Variants in GPM6A observed in about 807,000 individuals in gnomAD.
GPM6A encodes the protein glycoprotein M6A.
A neutral mutation model predicts 32.1 loss-of-function variants in GPM6A; 7 were observed. The ratio of observed to expected loss-of-function variants is 0.22; its 90% CI spans 0.12 to 0.41. The LOEUF (loss-of-function observed/expected upper bound fraction) is 0.41. GPM6A is among the 10% of genes least tolerant of loss of function. The pLI is 1.00. For missense variants in GPM6A, 235 were observed against 347.2 expected, an observed-to-expected ratio of 0.68 and a Z score of 2.57; for synonymous variants, 130 against 123.4, an observed-to-expected ratio of 1.05 and a Z score of -0.35.
At chr4:175,812,012 A>G (rs910473140) in intron 1 of GPM6A, 179 bp downstream of exon 1, 12 of 541,984 alleles carry the variant, frequency 2.2e-5, no homozygotes, top group Non-Finnish European at 3.6e-5. Context: ...AAGATTTGCA[A>G]ATAATGACAA....
rs754038999 is a variant in GPM6A, at chr4:175,640,126, T to C, written c.684+3A>G. On this transcript the variant is annotated splice_donor_region_variant and intron_variant, in intron 6 of 6. Coordinates refer to ENST00000393658, the MANE Select transcript of GPM6A (RefSeq NM_201591.3). ...ACCAAGCACCAGCGCTTTGAGGTCT[T>C]ACCATAGCAATGACTGCTGCCCCAG... 2 of 1,610,864 alleles carry C rather than the reference T, an allele frequency of 1.2e-6. No individual in the cohort carries two copies. Among genetic ancestry groups the C allele is most frequent in the Admixed American group, 3.3e-5 (2 of 59,994 alleles).
At chr4:175,859,715 A>G (rs1356641688) in intron 1 of GPM6A, among the ~76,000 whole-genome samples, 2 of 152,136 alleles carry the variant, frequency 1.3e-5, no homozygotes, top group Non-Finnish European at 1.5e-5. Context: ...GACAGATGTG[A>G]CAAGAATACA....
At chr4:175,924,469 T>A (rs1016462336) in intron 1 of GPM6A, among the ~76,000 whole-genome samples, 1 of 151,890 alleles carries the variant, frequency 6.6e-6, no homozygotes, top group Non-Finnish European at 1.5e-5. Flanking sequence ...GTAAGGAATA[T>A]GGGAAAGGAT....
chr4:175,825,314 A>G (rs1378516644), intron 1 of GPM6A, among the ~76,000 whole-genome samples: 1 of 152,200 alleles, frequency 6.6e-6, no homozygotes, highest in Non-Finnish European at 1.5e-5. Flanking sequence ...AATTGATTTA[A>G]GAGGAAATGC....
At chr4:175,773,117 C>A (rs1404195629) in intron 1 of GPM6A, among the ~76,000 whole-genome samples, 1 of 152,190 alleles carries the variant, frequency 6.6e-6, no homozygotes, top group Non-Finnish European at 1.5e-5. Flanking sequence ...TATCCAACAT[C>A]AGTTTACATA....
intron 1 of GPM6A, among the ~76,000 whole-genome samples, chr4:175,748,914 C>T (rs1052562583): frequency 6.6e-6 from 1 of 152,188 alleles, no homozygotes; most frequent in Non-Finnish European, 1.5e-5. Context: ...TACATTAGTA[C>T]TTGTTGCTTC....
chr4:175,918,543 A>G (rs1049745482), intron 1 of GPM6A, among the ~76,000 whole-genome samples: 2 of 152,182 alleles, frequency 1.3e-5, no homozygotes, highest in African/African-American at 4.8e-5. Context: ...TCTGGAAAAT[A>G]TCTTAAATTA....
At chr4:175,664,539 C>T (rs1276039506) in intron 3 of GPM6A, among the ~76,000 whole-genome samples, 2 of 152,176 alleles carry the variant, frequency 1.3e-5, no homozygotes, top group Admixed American at 6.5e-5. Flanking sequence ...AACTGCAATA[C>T]TTTCTTCTTT....
rs943324752 is a variant in GPM6A, at chr4:175,678,157, G to T, written c.231-4321C>A. Among the ~76,000 whole-genome samples, 5 of 152,028 alleles carry T rather than the reference G, an allele frequency of 3.3e-5. No homozygotes were observed. In the East Asian group the frequency reaches 9.6e-4, roughly 29 times the overall value. On this transcript the variant is annotated intron_variant, in intron 2 of 6. Transcript: ENST00000393658. ...ACACATATGACTTCACACTGATAAG[G>T]CAAAGAACATATGGAACATCTGGAG...
At chr4:175,800,399 C>A (rs772341588) in intron 1 of GPM6A, among the ~76,000 whole-genome samples, 2 of 152,110 alleles carry the variant, frequency 1.3e-5, no homozygotes, top group Non-Finnish European at 2.9e-5. Flanking sequence ...TCACTGAATG[C>A]AAATTATCCA....
At chr4:175,686,268 C>T (rs1188126399) in intron 2 of GPM6A, among the ~76,000 whole-genome samples, 1 of 152,220 alleles carries the variant, frequency 6.6e-6, no homozygotes, top group Non-Finnish European at 1.5e-5. Context: ...AAAGTAATTG[C>T]AGTTTTAACC....
intron 1 of GPM6A, among the ~76,000 whole-genome samples, chr4:175,994,324 C>T (rs116767501): frequency 2.8e-4 from 42 of 152,216 alleles, no homozygotes; most frequent in African/African-American, 9.6e-4. Flanking sequence ...AGAGGTAGCT[C>T]TTGGTAATAT....
chr4:175,934,011 G>A (rs1163398197), intron 1 of GPM6A, among the ~76,000 whole-genome samples: 2 of 152,120 alleles, frequency 1.3e-5, no homozygotes, highest in Non-Finnish European at 2.9e-5. Flanking sequence ...AGCTTTATGC[G>A]GAGTAAAAGA....
At chr4:175,737,472 A>G (rs1002180692) in intron 1 of GPM6A, among the ~76,000 whole-genome samples, 2 of 149,070 alleles carry the variant, frequency 1.3e-5, no homozygotes, top group Non-Finnish European at 1.5e-5. Context: ...GTGCCATTGC[A>G]CTCCAGTCTG....
Position 175,633,015 on chromosome 4 carries a change from C to T in GPM6A, c.*1890G>A, listed in dbSNP as rs1363935539. On this transcript the variant is annotated 3_prime_UTR_variant, in exon 7 of 7. Coordinates refer to ENST00000393658, the MANE Select transcript of GPM6A (RefSeq NM_201591.3). ...CTGTTCTACATTTCAAAAACGCCAC[C>T]ATCAAGCTGTTGGCACATTTATGTA... 5 of 152,438 alleles carry T rather than the reference C, an allele frequency of 3.3e-5. No individual in the cohort carries two copies. Among genetic ancestry groups the T allele is most frequent in the Non-Finnish European group, 7.4e-5 (5 of 67,928 alleles). The allele number at this position is 152,438 out of a possible 1,614,324, so 9.4% of individuals were successfully genotyped here.
At chr4:175,905,524 A>G (rs573465218) in intron 1 of GPM6A, among the ~76,000 whole-genome samples, 25 of 152,182 alleles carry the variant, frequency 1.6e-4, no homozygotes, top group African/African-American at 5.8e-4. Flanking sequence ...ATTACAAACC[A>G]TTCTCCCTTT....
Position 175,747,732 on chromosome 4 carries a change from G to A in GPM6A, c.38-45965C>T, listed in dbSNP as rs1294438841. Among the ~76,000 whole-genome samples the A allele has an allele frequency of 2.0e-5, 3 of 152,182 alleles. No individual in the cohort carries two copies. The East Asian group carries it at 5.8e-4, about 29-fold the overall frequency. ...CGTTCATGGCTGCTAACAGATCAGG[G>A]TGGTGGTTGCTGAAGGTTAGGGTGG... On this transcript the variant is annotated intron_variant, in intron 1 of 6. Transcript: ENST00000393658.
chr4:175,953,511 A>G (rs1196412136), intron 1 of GPM6A, among the ~76,000 whole-genome samples: 1 of 152,194 alleles, frequency 6.6e-6, no homozygotes, highest in Non-Finnish European at 1.5e-5. Flanking sequence ...GCATGTCATT[A>G]TTTTTAGTTA....
At chr4:175,724,359 A>G (rs1376690898) in intron 1 of GPM6A, among the ~76,000 whole-genome samples, 1 of 152,204 alleles carries the variant, frequency 6.6e-6, no homozygotes, top group African/African-American at 2.4e-5. Context: ...AGCCTGGCCA[A>G]CATGGTGAAA....
Sources: gnomAD v4.1 joint callset for allele counts (sites outside exome capture counted in the v4.1 genomes callset) on GRCh38, gnomAD v4.1.1 for gene constraint, MANE v1.5 for transcripts, NCBI Gene and HGNC (gene_info 2026-07-23, HGNC 2026-07-21) for gene names.